Variants in ZNF215 observed in about 807,000 individuals in gnomAD.
The protein encoded by ZNF215 is zinc finger protein 215.
Under a neutral mutation model 27.2 loss-of-function variants are expected in ZNF215, and 24 were observed. The observed-to-expected ratio is 0.88, with a 90% CI of 0.64 to 1.24. The LOEUF is 1.24. Among genes scored for constraint, ZNF215 ranks in the 50% most tolerant of loss-of-function variants. The probability of loss-of-function intolerance (pLI) is 0.00; values close to 1 mark genes in which losing one functional copy is unlikely to be tolerated. For missense variants in ZNF215, 675 were observed against 605.7 expected, an observed-to-expected ratio of 1.11 and a Z score of -1.20; for synonymous variants, 210 against 204.0, an observed-to-expected ratio of 1.03 and a Z score of -0.25.
At position 6,932,218 on chromosome 11, in the gene ZNF215, T is replaced by C; in HGVS notation, c.-55T>C. The C allele has an allele frequency of 6.4e-7, 1 of 1,571,500 alleles. No homozygotes were observed. The highest frequency in any genetic ancestry group is 8.6e-7 in the Non-Finnish European group (1 of 1,159,238). On this transcript the variant is annotated 5_prime_UTR_variant, in exon 3 of 7. Transcript: ENST00000278319. ...CAGGTGCTTAGCTCAAGCCTGAGAA[T>C]TACTGCAATCTAGTAAGGCGGATTT...
chr11:6,994,293 G>C (rs1379435762), intron 6 of ZNF215, among the ~76,000 whole-genome samples: 1 of 151,928 alleles, frequency 6.6e-6, no homozygotes, highest in Non-Finnish European at 1.5e-5. Context: ...GAAGCTCATA[G>C]GAATCTTACC....
At chr11:6,948,509 G>T (rs542468456) in intron 6 of ZNF215, among the ~76,000 whole-genome samples, 1 of 152,224 alleles carries the variant, frequency 6.6e-6, no homozygotes, top group South Asian at 2.1e-4. Flanking sequence ...GAAAAGCAAA[G>T]ACTCAAAAAT....
At chr11:6,979,350 G>T (rs954251738) in intron 5 of ZNF215, among the ~76,000 whole-genome samples, 1 of 151,844 alleles carries the variant, frequency 6.6e-6, no homozygotes, top group South Asian at 2.1e-4. Context: ...AATGATTGTG[G>T]TATATTAGAA....
intron 5 of ZNF215, among the ~76,000 whole-genome samples, chr11:6,965,810 T>C (rs1452208284): frequency 7.2e-5 from 11 of 152,204 alleles, no homozygotes; most frequent in Admixed American, 7.2e-4. Flanking sequence ...GATTTTTTTA[T>C]ATAGTCAATC....
intron 4 of ZNF215, 106 bp downstream of exon 4, chr11:6,941,759 G>A (rs1849638569): frequency 2.6e-6 from 3 of 1,176,270 alleles, no homozygotes; most frequent in Non-Finnish European, 3.6e-6. Flanking sequence ...TTCCATCCAA[G>A]AACATGAGAC....
At chr11:6,951,420 TG>T (rs1850055107) in intron 6 of ZNF215, among the ~76,000 whole-genome samples, 1 of 152,250 alleles carries the variant, frequency 6.6e-6, no homozygotes, top group South Asian at 2.1e-4. Context: ...AGCCTGTTAT[TG>T]GTCTGTTCAG....
rs990905131 is a variant in ZNF215 at position 6,957,135 on chromosome 11, G to T, written c.*604G>T. ...AACTGCAATGGGAGAAGTATGTATT[G>T]CTGTTAATCTATATGTATTCTTAAA... On this transcript the variant is annotated 3_prime_UTR_variant, in exon 7 of 7. Transcript: ENST00000278319. The T allele has an allele frequency of 1.2e-5, 12 of 985,344 alleles. No individual in the cohort carries two copies. Among genetic ancestry groups the T allele is most frequent in the Non-Finnish European group, 1.3e-5 (11 of 829,988 alleles). The allele number at this position is 985,344 out of a possible 1,614,324, so 61.0% of individuals were successfully genotyped here. A position where few individuals can be genotyped will look rare whatever the true frequency, so the allele number is the denominator to read the frequency against.
chr11:6,961,354 C>T (rs542540472), downstream of ZNF215, among the ~76,000 whole-genome samples: 4 of 152,154 alleles, frequency 2.6e-5, no homozygotes, highest in Admixed American at 6.5e-5. Flanking sequence ...TTGGTATCAG[C>T]TTGTAAGGCA....
At chr11:6,950,798 C>T in intron 6 of ZNF215, among the ~76,000 whole-genome samples, 1 of 147,726 alleles carries the variant, frequency 6.8e-6, no homozygotes, top group Non-Finnish European at 1.5e-5. Context: ...AGAGGGCATC[C>T]CTGTCTTGTG....
At chr11:6,977,977 T>G (rs1422552526) in intron 5 of ZNF215, among the ~76,000 whole-genome samples, 1 of 152,074 alleles carries the variant, frequency 6.6e-6, no homozygotes, top group African/African-American at 2.4e-5. Flanking sequence ...GATCAGAGAC[T>G]CAAATCCGGG....
chr11:6,944,149 G>C (rs1161242690), intron 6 of ZNF215, among the ~76,000 whole-genome samples: 2 of 152,212 alleles, frequency 1.3e-5, no homozygotes, highest in East Asian at 3.9e-4. Flanking sequence ...GGTGGCGGGC[G>C]CCTGTAGTCC....
chr11:6,954,352 G>C (rs1407450577), intron 6 of ZNF215, among the ~76,000 whole-genome samples: 1 of 152,258 alleles, frequency 6.6e-6, no homozygotes, highest in African/African-American at 2.4e-5. Context: ...GGAGCCTACA[G>C]AGGCACGAAG....
intron 5 of ZNF215, among the ~76,000 whole-genome samples, chr11:6,963,370 A>G (rs1345147306): frequency 6.6e-6 from 1 of 152,066 alleles, no homozygotes; most frequent in East Asian, 1.9e-4. Context: ...AGATTCAAAC[A>G]TGTTATTGCA....
chr11:6,965,836 A>AT (rs1436951311), intron 5 of ZNF215, among the ~76,000 whole-genome samples: 2 of 152,174 alleles, frequency 1.3e-5, no homozygotes, highest in South Asian at 2.1e-4. Flanking sequence ...ATCTGTGACT[A>AT]TTTTTTAGTA....
chr11:6,944,144 C>T (rs978747695), intron 6 of ZNF215, among the ~76,000 whole-genome samples: 5 of 152,066 alleles, frequency 3.3e-5, no homozygotes, highest in African/African-American at 7.2e-5. Context: ...GGTGTGGTGG[C>T]GGGCGCCTGT....
chr11:6,948,033 G>GTGGTA (rs1199554420), intron 6 of ZNF215, among the ~76,000 whole-genome samples: 2 of 152,194 alleles, frequency 1.3e-5, no homozygotes, highest in Non-Finnish European at 2.9e-5. Flanking sequence ...AGGTCTAGAA[G>GTGGTA]TGGTATAGTG....
chr11:6,980,306 A>G (rs1850921460), intron 5 of ZNF215, among the ~76,000 whole-genome samples: 1 of 152,126 alleles, frequency 6.6e-6, no homozygotes, highest in African/African-American at 2.4e-5. Flanking sequence ...ATGTCATTTT[A>G]GAACAGGTTT....
chr11:6,973,039 A>C (rs1850750153), intron 5 of ZNF215, among the ~76,000 whole-genome samples: 1 of 151,774 alleles, frequency 6.6e-6, no homozygotes. Flanking sequence ...TATATCTCAT[A>C]ATGCTTTCCC....
chr11:6,952,217 T>C (rs1850099903), intron 6 of ZNF215, among the ~76,000 whole-genome samples: 1 of 152,204 alleles, frequency 6.6e-6, no homozygotes, highest in African/African-American at 2.4e-5. Context: ...TCTGTTGATT[T>C]GGGCTGGAGA....
Sources: gnomAD v4.1 joint callset for allele counts (sites outside exome capture counted in the v4.1 genomes callset) on GRCh38, gnomAD v4.1.1 for gene constraint, MANE v1.5 for transcripts, NCBI Gene and HGNC (gene_info 2026-07-23, HGNC 2026-07-21) for gene names.